Variants in EPC2 observed in about 807,000 individuals in gnomAD.
EPC2 encodes enhancer of polycomb 2.
Under a neutral mutation model 92.1 loss-of-function variants are expected in EPC2, and 14 were observed. That is an observed-to-expected ratio of 0.15 (90% confidence interval 0.10 to 0.24). EPC2 has a LOEUF of 0.24. Among genes scored for constraint, EPC2 ranks in the 10% least tolerant of loss-of-function variants. The probability of loss-of-function intolerance (pLI) is 1.00; values close to 1 mark genes in which losing one functional copy is unlikely to be tolerated. For synonymous variants in EPC2, 340 were observed against 334.7 expected (o/e 1.02, Z -0.17); for missense variants, 755 against 971.5 (o/e 0.78, Z 2.96).
chr2:148,762,911 G>A (rs113622208), intron 6 of EPC2, 109 bp downstream of exon 6: 9 of 1,225,450 alleles, frequency 7.3e-6, no homozygotes, highest in African/African-American at 3.0e-5. Context: ...AGTAATTAAC[G>A]TGACTTTAGT....
intron 10 of EPC2, among the ~76,000 whole-genome samples, chr2:148,775,228 T>C (rs34695108): frequency 0.14 from 21,354 of 152,242 alleles, 2,437 homozygotes; most frequent in East Asian, 0.46. Flanking sequence ...GTATCTGTTA[T>C]ATGCGAAACA....
chr2:148,761,961 G>T, intron 5 of EPC2, 31 bp downstream of exon 5: 1 of 1,532,934 alleles, frequency 6.5e-7, no homozygotes, highest in Non-Finnish European at 8.7e-7. Context: ...ACAGTAAAAT[G>T]ACAACTTTAC....
At chr2:148,649,241 C>T (rs1680607481) in intron 1 of EPC2, among the ~76,000 whole-genome samples, 1 of 152,076 alleles carries the variant, frequency 6.6e-6, no homozygotes, top group East Asian at 1.9e-4. Context: ...TACCTATATA[C>T]AGTGTGGAGT....
At chr2:148,699,236 C>G (rs1047631362) in intron 2 of EPC2, among the ~76,000 whole-genome samples, 1 of 152,150 alleles carries the variant, frequency 6.6e-6, no homozygotes, top group Non-Finnish European at 1.5e-5. Context: ...ATGTGCTACC[C>G]CTACACACTT....
rs760219048 is a variant in EPC2, at chr2:148,784,819, C to T, written c.2169C>T (p.Asn723=). Residue 723 remains asparagine (N), a synonymous_variant, in exon 13 of 14, where the codon AAC becomes AAT. Transcript: ENST00000258484. Reference sequence around the variant, plus strand: ...GCAGTCCTCAGACACTTCCCATGAACAATTCCTGCCTGACAAATGCAGTGC... The same window carrying T: ...GCAGTCCTCAGACACTTCCCATGAATAATTCCTGCCTGACAAATGCAGTGC... ...CTSSPQTLPM[N]NSCLTNAVHL... is the part of the protein sequence containing the mutation. 6 of 1,613,984 alleles carry T rather than the reference C, an allele frequency of 3.7e-6. No individual in the cohort carries two copies. Among genetic ancestry groups the T allele is most frequent in the Non-Finnish European group, 5.1e-6 (6 of 1,179,878 alleles).
At position 148,652,451 on chromosome 2, in the gene EPC2, C is replaced by T. The variant is rs575066250; in HGVS notation, c.153+7281C>T. On this transcript the variant is annotated intron_variant, in intron 1 of 13. Transcript: ENST00000258484. The stretch of plus-strand genomic sequence containing the variant: ...TCTCCAGTGTCCTTTTAAAAAAAAG[C>T]AAACTCTTCACACTTATTAATTTTC... 6.6e-5 allele frequency among the ~76,000 whole-genome samples: 10 copies of T among 152,222 alleles called. No individual in the cohort carries two copies. In the South Asian group the frequency reaches 1.9e-3, roughly 28 times the overall value.
intron 10 of EPC2, among the ~76,000 whole-genome samples, chr2:148,778,829 G>A (rs906814678): frequency 6.6e-6 from 1 of 152,086 alleles, no homozygotes. Flanking sequence ...AGAGCTAGAT[G>A]TCAAGAATGG....
intron 2 of EPC2, among the ~76,000 whole-genome samples, chr2:148,708,218 C>T (rs1486793111): frequency 3.3e-5 from 5 of 152,204 alleles, no homozygotes; most frequent in African/African-American, 1.2e-4. Context: ...ATAAACCCCT[C>T]TACACAAATA....
intron 1 of EPC2, among the ~76,000 whole-genome samples, chr2:148,685,610 A>T (rs916434080): frequency 1.3e-5 from 2 of 152,104 alleles, no homozygotes; most frequent in Non-Finnish European, 1.5e-5. Flanking sequence ...AATACAAAAA[A>T]ATTAGCCGGG....
rs147871437 is a variant in EPC2, at chr2:148,710,728, C to T, written c.313+20355C>T. Among the ~76,000 whole-genome samples, 11 of 152,250 alleles carry T rather than the reference C, an allele frequency of 7.2e-5. No homozygotes were observed. The East Asian group carries it at 1.5e-3, about 21-fold the overall frequency. On this transcript the variant is annotated intron_variant, in intron 2 of 13. Transcript: ENST00000258484. The stretch of plus-strand genomic sequence containing the variant: ...GGATGAAGCTGGAAACCATCATTCT[C>T]AGCAAACCATTGCAAGGGCAAAAAA...
intron 1 of EPC2, among the ~76,000 whole-genome samples, chr2:148,652,561 A>C (rs976744388): frequency 2.6e-5 from 4 of 152,208 alleles, no homozygotes; most frequent in African/African-American, 9.7e-5. Context: ...GTGAAATAGA[A>C]TTGGACTGAG....
intron 10 of EPC2, among the ~76,000 whole-genome samples, chr2:148,772,497 T>G (rs1337624554): frequency 1.3e-5 from 2 of 152,222 alleles, no homozygotes; most frequent in Non-Finnish European, 2.9e-5. Flanking sequence ...GCTTGAAATT[T>G]GGTCTCAATA....
chr2:148,691,646 G>T (rs974537522), intron 2 of EPC2: 1 of 1,544,238 alleles, frequency 6.5e-7, no homozygotes, highest in South Asian at 1.2e-5. Flanking sequence ...ACCAACCGGA[G>T]ACCACGTTAA....
chr2:148,769,190 C>G lies in EPC2; in HGVS notation c.1180C>G (p.Pro394Ala). 2 of 1,612,698 alleles carry G rather than the reference C, an allele frequency of 1.2e-6. No homozygotes were observed. The highest frequency in any genetic ancestry group is 1.7e-6 in the Non-Finnish European group (2 of 1,179,388). The change falls in exon 8 of 14, where the codon CCT becomes GCT. Residue 394 changes from proline (P) to alanine (A), a missense_variant. Transcript: ENST00000258484. ...ATCAGAACCGGAAGAAGAAAATGAT[C>G]CTGATGGTCCCTGTGCTTTCAGAAG... Reference protein sequence around the residue: ...PVSEPEEENDPDGPCAFRRRA... With the variant: ...PVSEPEEENDADGPCAFRRRA...
intron 1 of EPC2, among the ~76,000 whole-genome samples, chr2:148,684,986 G>GAATTT (rs1178367342): frequency 5.3e-5 from 8 of 152,082 alleles, no homozygotes; most frequent in Non-Finnish European, 1.0e-4. Context: ...GATTACTAAT[G>GAATTT]AATTTGCACA....
intron 8 of EPC2, among the ~76,000 whole-genome samples, chr2:148,770,238 C>G (rs746052659): frequency 1.1e-4 from 16 of 152,026 alleles, no homozygotes; most frequent in Non-Finnish European, 2.2e-4. Context: ...TAGGGTCTTG[C>G]TACGTTGCCC....
intron 2 of EPC2, among the ~76,000 whole-genome samples, chr2:148,727,030 C>G (rs1479766949): frequency 6.6e-6 from 1 of 151,884 alleles, no homozygotes; most frequent in African/African-American, 2.4e-5. Flanking sequence ...GTCTTTCTTC[C>G]TGTATTTTCT....
intron 1 of EPC2, among the ~76,000 whole-genome samples, chr2:148,675,958 T>C (rs1681253676): frequency 6.6e-6 from 1 of 152,168 alleles, no homozygotes; most frequent in Non-Finnish European, 1.5e-5. Flanking sequence ...CTTGGTAAGA[T>C]GGAAAAGCGC....
chr2:148,710,607 A>G (rs935689149), intron 2 of EPC2, among the ~76,000 whole-genome samples: 3 of 152,254 alleles, frequency 2.0e-5, no homozygotes, highest in Non-Finnish European at 4.4e-5. Context: ...CAGATGTCCA[A>G]CAGTGATAGA....
Sources: allele counts gnomAD v4.1 joint callset (sites outside exome capture counted in the v4.1 genomes callset), GRCh38; gene constraint gnomAD v4.1.1; transcripts MANE v1.5; gene names NCBI Gene and HGNC (gene_info 2026-07-23, HGNC 2026-07-21).